VGLL4: variants seen among roughly 807,000 people sequenced by gnomAD.
VGLL4 encodes transcription cofactor vestigial-like protein 4.
VGLL4 carries 7 observed loss-of-function variants against 21.0 expected under a neutral mutation model. The observed-to-expected ratio is 0.33, with a 90% CI of 0.19 to 0.63. The LOEUF (loss-of-function observed/expected upper bound fraction) is 0.63, where lower values mean the gene tolerates loss of function less well. Among genes scored for constraint, VGLL4 ranks in the 20% least tolerant of loss-of-function variants. The pLI, the probability that VGLL4 is intolerant of heterozygous loss-of-function variation, is 0.78. For missense variants in VGLL4, 394 were observed against 425.7 expected (o/e 0.93, Z 0.66); for synonymous variants, 222 against 173.2 (o/e 1.28, Z -2.21).
chr3:11,692,370 C>T (rs1313570670), intron 2 of VGLL4, among the ~76,000 whole-genome samples: 1 of 152,148 alleles, frequency 6.6e-6, no homozygotes, highest in Non-Finnish European at 1.5e-5. Flanking sequence ...GCCCTGGATG[C>T]CCCCACTTAG....
chr3:11,614,567 G>A (rs2075125691), intron 1 of VGLL4, among the ~76,000 whole-genome samples: 1 of 152,242 alleles, frequency 6.6e-6, no homozygotes, highest in Admixed American at 6.5e-5. Context: ...GCAGGTAGCT[G>A]GGACGAGACA....
rs1042673948 is a variant in VGLL4, at chr3:11,704,152, G to A, written c.-13-1105C>T. ...TCCCAGCACTTTGGGAGGCCGAGGC[G>A]GGCAGGTAACCTGAGGTCGGGAGTT... On this transcript the variant is annotated intron_variant, in intron 1 of 5. Transcript: ENST00000273038. Among the ~76,000 whole-genome samples, 24 of 152,162 alleles carry A rather than the reference G, an allele frequency of 1.6e-4. No homozygotes were observed. In the South Asian group the frequency reaches 1.9e-3, roughly 12 times the overall value.
At chr3:11,576,333 T>C (rs1029934261) in intron 2 of VGLL4, among the ~76,000 whole-genome samples, 1 of 152,240 alleles carries the variant, frequency 6.6e-6, no homozygotes. Flanking sequence ...ATTAATAAAA[T>C]TGAAAAGAAT....
At chr3:11,587,437 G>A (rs1389488374) in intron 2 of VGLL4, among the ~76,000 whole-genome samples, 1 of 152,208 alleles carries the variant, frequency 6.6e-6, no homozygotes, top group Non-Finnish European at 1.5e-5. Flanking sequence ...AAGACAAAAT[G>A]ATGTGGTGTC....
At chr3:11,712,036 A>C (rs2076853636) in intron 1 of VGLL4, among the ~76,000 whole-genome samples, 2 of 152,154 alleles carry the variant, frequency 1.3e-5, no homozygotes, top group African/African-American at 4.8e-5. Flanking sequence ...TCTTCCTGTT[A>C]ACATCCCATT....
chr3:11,654,134 G>T (rs1395810879), intron 2 of VGLL4, among the ~76,000 whole-genome samples: 1 of 151,914 alleles, frequency 6.6e-6, no homozygotes, highest in Non-Finnish European at 1.5e-5. Flanking sequence ...TGACAATAAT[G>T]CCACAAATCA....
At chr3:11,670,893 A>C (rs538680606) in intron 2 of VGLL4, among the ~76,000 whole-genome samples, 31 of 152,198 alleles carry the variant, frequency 2.0e-4, no homozygotes, top group African/African-American at 7.0e-4. Flanking sequence ...CAAAATTAGC[A>C]AGGTGTGGTG....
chr3:11,590,999 G>C (rs1265165638), intron 2 of VGLL4, among the ~76,000 whole-genome samples: 2 of 152,158 alleles, frequency 1.3e-5, no homozygotes, highest in Non-Finnish European at 2.9e-5. Flanking sequence ...AACTGGTTTT[G>C]TGTCACAGTA....
chr3:11,654,349 G>A (rs890931415), intron 2 of VGLL4, among the ~76,000 whole-genome samples: 7 of 152,152 alleles, frequency 4.6e-5, no homozygotes, highest in African/African-American at 1.7e-4. Flanking sequence ...TTCTTTCTCA[G>A]TTCTCGCGAC....
intron 2 of VGLL4, among the ~76,000 whole-genome samples, chr3:11,585,378 C>T (rs1255682113): frequency 6.6e-6 from 1 of 151,162 alleles, no homozygotes; most frequent in Non-Finnish European, 1.5e-5. Flanking sequence ...GGTTGCAGTG[C>T]ACCGAGATTG....
chr3:11,577,772 T>C (rs550501082), intron 2 of VGLL4, among the ~76,000 whole-genome samples: 1 of 152,352 alleles, frequency 6.6e-6, no homozygotes, highest in East Asian at 1.9e-4. Context: ...AGGTTCTCCC[T>C]CCTAATGAAT....
upstream of VGLL4, among the ~76,000 whole-genome samples, chr3:11,646,569 A>AT (rs2075796859): frequency 6.6e-6 from 1 of 152,012 alleles, no homozygotes; most frequent in African/African-American, 2.4e-5. Context: ...AAAAAAAAAA[A>AT]CCCTGCCTTA....
intron 3 of VGLL4, 40 bp downstream of exon 3, chr3:11,564,757 C>T: frequency 6.5e-7 from 1 of 1,529,398 alleles, no homozygotes; most frequent in Non-Finnish European, 8.7e-7. Context: ...GTCCCCCAGC[C>T]CCTGGACTCC....
chr3:11,676,013 A>G (rs2076283276), intron 2 of VGLL4, among the ~76,000 whole-genome samples: 1 of 152,206 alleles, frequency 6.6e-6, no homozygotes, highest in South Asian at 2.1e-4. Flanking sequence ...TATCTTAGTT[A>G]CACACCATAT....
intron 2 of VGLL4, among the ~76,000 whole-genome samples, chr3:11,697,586 C>A (rs748669311): frequency 1.5e-5 from 2 of 131,646 alleles, no homozygotes; most frequent in Non-Finnish European, 3.2e-5. Flanking sequence ...CCAGAAGTCA[C>A]CATGATCTTG....
intron 1 of VGLL4, among the ~76,000 whole-genome samples, chr3:11,643,233 C>T (rs1388866979): frequency 6.6e-6 from 1 of 152,188 alleles, no homozygotes; most frequent in Admixed American, 6.5e-5. Context: ...ACTTCACTGC[C>T]TCCCCGTCCA....
At chr3:11,576,163 G>C (rs2074038811) in intron 2 of VGLL4, among the ~76,000 whole-genome samples, 1 of 152,226 alleles carries the variant, frequency 6.6e-6, no homozygotes, top group Non-Finnish European at 1.5e-5. Flanking sequence ...CAGGGAAGTA[G>C]TTGTGAGAGC....
At chr3:11,652,761 G>C (rs1480592173) in intron 2 of VGLL4, among the ~76,000 whole-genome samples, 2 of 152,144 alleles carry the variant, frequency 1.3e-5, no homozygotes, top group Non-Finnish European at 2.9e-5. Context: ...AATTTAATTA[G>C]ATTAGCATCC....
chr3:11,688,978 T>A (rs1481464134), intron 2 of VGLL4, among the ~76,000 whole-genome samples: 1 of 151,628 alleles, frequency 6.6e-6, no homozygotes, highest in Non-Finnish European at 1.5e-5. Context: ...GCCAGTATCG[T>A]GACACTACAC....
Sources: gnomAD v4.1 joint callset for allele counts (sites outside exome capture counted in the v4.1 genomes callset) on GRCh38, gnomAD v4.1.1 for gene constraint, MANE v1.5 for transcripts, NCBI Gene and HGNC (gene_info 2026-07-23, HGNC 2026-07-21) for gene names.